Variants in GALNT13 observed in about 807,000 individuals in gnomAD.
The protein encoded by GALNT13 is UDP-GalNAc:polypeptide N-acetylgalactosaminyltransferase 13.
Under a neutral mutation model 64.2 loss-of-function variants are expected in GALNT13, and 28 were observed. The ratio of observed to expected loss-of-function variants is 0.44; its 90% CI spans 0.32 to 0.60. The LOEUF is 0.60. GALNT13 is among the 20% of genes least tolerant of loss of function. The pLI is 0.05. For synonymous variants in GALNT13, 214 were observed against 224.6 expected (o/e 0.95, Z 0.42); for missense variants, 577 against 669.8 (o/e 0.86, Z 1.53).
At chr2:153,415,201 T>A in the GALNT13 span, among the ~76,000 whole-genome samples, 1 of 152,094 alleles carries the variant, frequency 6.6e-6, no homozygotes, top group South Asian at 2.1e-4. Flanking sequence ...CCACATATAG[T>A]CTTGTATGTT....
intron 7 of GALNT13, among the ~76,000 whole-genome samples, chr2:154,246,588 A>G (rs552366706): frequency 3.9e-5 from 6 of 152,228 alleles, no homozygotes; most frequent in Admixed American, 2.6e-4. Context: ...TACCCACTTT[A>G]TTAACACAAA....
At chr2:153,466,318 T>A in the GALNT13 span, among the ~76,000 whole-genome samples, 3 of 152,084 alleles carry the variant, frequency 2.0e-5, no homozygotes, top group African/African-American at 7.2e-5. Context: ...CTGTGTCAGT[T>A]CCTCAGATAT....
intron 9 of GALNT13, among the ~76,000 whole-genome samples, chr2:154,378,121 T>C (rs968566760): frequency 6.6e-6 from 1 of 152,116 alleles, no homozygotes; most frequent in Admixed American, 6.6e-5. Flanking sequence ...AAGTTCCCTG[T>C]CTGGAGAACG....
At chr2:153,111,509 G>A in the GALNT13 span, among the ~76,000 whole-genome samples, 6,259 of 152,088 alleles carry the variant, frequency 0.041, 191 homozygotes, top group African/African-American at 0.086. Context: ...CGCCCAGTGT[G>A]AGAGGAGCAA....
chr2:153,125,731 C>T, the GALNT13 span, among the ~76,000 whole-genome samples: 8 of 152,132 alleles, frequency 5.3e-5, no homozygotes, highest in African/African-American at 1.4e-4. Flanking sequence ...CCTCTGCTAA[C>T]GTGTACTAAG....
intron 3 of GALNT13, among the ~76,000 whole-genome samples, chr2:154,124,954 T>C (rs1005014485): frequency 6.6e-6 from 1 of 152,104 alleles, no homozygotes; most frequent in Non-Finnish European, 1.5e-5. Context: ...CATTTAGTGG[T>C]AAATATTAAT....
intron 3 of GALNT13, among the ~76,000 whole-genome samples, chr2:154,041,351 T>G (rs544590629): frequency 7.1e-6 from 1 of 140,768 alleles, no homozygotes; most frequent in East Asian, 2.0e-4. Flanking sequence ...ATCTGGCCTT[T>G]ATTTTTTAGA....
At chr2:153,956,731 A>G (rs540450394) in intron 3 of GALNT13, among the ~76,000 whole-genome samples, 10 of 152,308 alleles carry the variant, frequency 6.6e-5, no homozygotes, top group African/African-American at 2.4e-4. Context: ...ATTTTTCCCA[A>G]TAAAGAATAC....
At chr2:154,247,912 G>T (rs1440025113) in intron 7 of GALNT13, among the ~76,000 whole-genome samples, 2 of 152,024 alleles carry the variant, frequency 1.3e-5, no homozygotes, top group African/African-American at 2.4e-5. Context: ...ACAGCCTGCA[G>T]GTAATTTTCA....
intron 4 of GALNT13, among the ~76,000 whole-genome samples, chr2:154,232,058 G>A (rs1012349149): frequency 6.6e-6 from 1 of 151,910 alleles, no homozygotes; most frequent in Non-Finnish European, 1.5e-5. Flanking sequence ...GAGAGAGAGA[G>A]AGAGAGAGAA....
chr2:153,160,565 T>G, the GALNT13 span, among the ~76,000 whole-genome samples: 69 of 152,334 alleles, frequency 4.5e-4, no homozygotes, highest in African/African-American at 1.6e-3. Context: ...GTCATGAACT[T>G]ATCAGTGATG....
chr2:153,599,690 A>G, the GALNT13 span, among the ~76,000 whole-genome samples: 2 of 151,984 alleles, frequency 1.3e-5, no homozygotes, highest in African/African-American at 4.8e-5. Flanking sequence ...AGACACCTGG[A>G]TATAATCAGG....
At chr2:153,203,793 TCATTTC>T in the GALNT13 span, among the ~76,000 whole-genome samples, 15 of 152,194 alleles carry the variant, frequency 9.9e-5, no homozygotes, top group African/African-American at 3.6e-4. Flanking sequence ...ATTACTCTTA[TCATTTC>T]CATTTCCATT....
the GALNT13 span, among the ~76,000 whole-genome samples, chr2:153,278,536 G>C: frequency 1.3e-5 from 2 of 152,150 alleles, no homozygotes; most frequent in Non-Finnish European, 2.9e-5. Context: ...TTCGTATATA[G>C]TGAAAGGCAG....
At chr2:153,521,330 C>T in the GALNT13 span, among the ~76,000 whole-genome samples, 1 of 151,696 alleles carries the variant, frequency 6.6e-6, no homozygotes, top group Non-Finnish European at 1.5e-5. Flanking sequence ...TTTTAAGTTG[C>T]TTGCCTAAGT....
At chr2:153,615,573 A>G in the GALNT13 span, among the ~76,000 whole-genome samples, 10 of 152,052 alleles carry the variant, frequency 6.6e-5, no homozygotes, top group Non-Finnish European at 1.5e-4. Flanking sequence ...AAGCCATTTC[A>G]ACAGAGGTGA....
chr2:153,699,432 A>G, the GALNT13 span, among the ~76,000 whole-genome samples: 1 of 152,178 alleles, frequency 6.6e-6, no homozygotes, highest in Non-Finnish European at 1.5e-5. Context: ...TGAAAGAACT[A>G]GAGAAGCAAG....
At chr2:154,291,059 A>G (rs1254300924) in intron 8 of GALNT13, among the ~76,000 whole-genome samples, 1 of 151,952 alleles carries the variant, frequency 6.6e-6, no homozygotes, top group Admixed American at 6.5e-5. Flanking sequence ...TATCGTGAAG[A>G]GCAAAAGAAC....
chr2:153,532,125 C>T, the GALNT13 span, among the ~76,000 whole-genome samples: 6 of 152,030 alleles, frequency 3.9e-5, no homozygotes, highest in Admixed American at 6.6e-5. Context: ...ATTTTCCCAC[C>T]GCACTTCCCT....
Sources: gnomAD v4.1 joint callset for allele counts (sites outside exome capture counted in the v4.1 genomes callset) on GRCh38, gnomAD v4.1.1 for gene constraint, MANE v1.5 for transcripts, NCBI Gene and HGNC (gene_info 2026-07-23, HGNC 2026-07-21) for gene names.